Variants in DCT observed in about 807,000 individuals in gnomAD.
DCT encodes the protein dopachrome tautomerase, also known as L-dopachrome tautomerase.
In DCT, 47 loss-of-function variants were observed where a neutral mutation model predicts 53.0. The observed-to-expected ratio is 0.89, with a 90% CI of 0.70 to 1.13. DCT has a LOEUF of 1.13. DCT is among the 50% of genes most tolerant of loss of function. The pLI is 0.00. For missense variants in DCT, 669 were observed against 637.4 expected (o/e 1.05, Z -0.53); for synonymous variants, 244 against 237.0 (o/e 1.03, Z -0.27).
chr13:94,540,108 AT>A, the DCT span, among the ~76,000 whole-genome samples: 1 of 150,160 alleles, frequency 6.7e-6, no homozygotes, highest in Non-Finnish European at 1.5e-5. Flanking sequence ...TCAATTATCA[AT>A]TCTAAAAAAA....
intron 6 of DCT, among the ~76,000 whole-genome samples, chr13:94,446,827 T>C (rs2139287018): frequency 6.6e-6 from 1 of 152,260 alleles, no homozygotes; most frequent in East Asian, 1.9e-4. Context: ...TGCAGTGTTC[T>C]CCCTGTGTGC....
Position 94,452,292 on chromosome 13 carries a change from C to T in DCT, c.1179+7799G>A, listed in dbSNP as rs146504171. On this transcript the variant is annotated intron_variant, in intron 6 of 7. Coordinates refer to ENST00000377028, the MANE Select transcript of DCT (RefSeq NM_001922.5). Reference sequence around the variant, plus strand: ...AGGTAACCCACCCACCTCAGCCTCCCAAAGTGCTGGGATTACAGGCGTGAG... The same window carrying T: ...AGGTAACCCACCCACCTCAGCCTCCTAAAGTGCTGGGATTACAGGCGTGAG... Among the ~76,000 whole-genome samples the T allele has an allele frequency of 4.3e-3, 659 of 152,300 alleles. 7 individuals carry two copies. Among genetic ancestry groups the T allele is most frequent in the Non-Finnish European group, 7.3e-3 (498 of 68,020 alleles).
chr13:94,517,176 C>T, the DCT span, among the ~76,000 whole-genome samples: 1 of 152,172 alleles, frequency 6.6e-6, no homozygotes, highest in Non-Finnish European at 1.5e-5. Context: ...TCTCTTCCAC[C>T]CTTTTTATTC....
chr13:94,526,357 G>C, the DCT span, among the ~76,000 whole-genome samples: 2 of 152,188 alleles, frequency 1.3e-5, no homozygotes, highest in South Asian at 2.1e-4. Context: ...AACTGTATTT[G>C]AGTAACACGG....
the DCT span, among the ~76,000 whole-genome samples, chr13:94,487,897 A>C: frequency 6.6e-6 from 1 of 151,368 alleles, no homozygotes; most frequent in South Asian, 2.1e-4. Flanking sequence ...TGGTGGTATG[A>C]ATTGTTCTTC....
chr13:94,536,255 G>A, the DCT span, among the ~76,000 whole-genome samples: 13 of 152,306 alleles, frequency 8.5e-5, no homozygotes, highest in Non-Finnish European at 1.8e-4. Context: ...TGGACCTGAT[G>A]ATTTAACATT....
chr13:94,512,083 A>T, the DCT span, among the ~76,000 whole-genome samples: 1 of 152,156 alleles, frequency 6.6e-6, no homozygotes, highest in East Asian at 1.9e-4. Context: ...CTTTTAAAGG[A>T]AGTAGCCATT....
the DCT span, among the ~76,000 whole-genome samples, chr13:94,513,089 G>A: frequency 6.6e-6 from 1 of 152,212 alleles, no homozygotes; most frequent in South Asian, 2.1e-4. Context: ...GACACAAAGG[G>A]CTGGTTTCTT....
At chr13:94,513,410 A>G in the DCT span, among the ~76,000 whole-genome samples, 3 of 152,300 alleles carry the variant, frequency 2.0e-5, no homozygotes, top group East Asian at 1.9e-4. Flanking sequence ...CTACAGTTTT[A>G]TCGGTGTCTG....
chr13:94,450,506 T>C (rs929039600), intron 6 of DCT, among the ~76,000 whole-genome samples: 2 of 152,122 alleles, frequency 1.3e-5, no homozygotes, highest in African/African-American at 4.8e-5. Context: ...TAGACTTGTA[T>C]AATAGCCTTG....
At position 94,479,599 on chromosome 13, in the gene DCT, C is replaced by G. The variant is rs986279344; in HGVS notation, c.-344G>C. 1 of 208,314 alleles carries G rather than the reference C, an allele frequency of 4.8e-6. No homozygotes were observed. Among genetic ancestry groups the G allele is most frequent in the African/African-American group, 2.3e-5 (1 of 43,406 alleles). 12.9% of individuals were successfully genotyped at this position (208,314 alleles called of 1,614,324 possible). ...TAATTGAGTTAATTTACAGAGCACC[C>G]AGTCATACTACTTATTATGCTGGTA... On this transcript the variant is annotated 5_prime_UTR_variant, in exon 1 of 8. Coordinates refer to ENST00000377028, the MANE Select transcript of DCT (RefSeq NM_001922.5).
In DCT at chr13:94,468,944, AGGAAT is replaced by A; in HGVS notation, c.392_396del (p.His131LeufsTer51). 6.2e-7 allele frequency: 1 copy of A among 1,614,158 alleles called. No individual in the cohort carries two copies. The highest frequency in any genetic ancestry group is 8.5e-7 in the Non-Finnish European group (1 of 1,180,024). ...AACTGCTCTCTTTCCTGAGGACTCA[AGGAAT>A]GGATGTTCTGCCGAATCACTGGTGG... On this transcript the variant is annotated frameshift_variant, in exon 2 of 8. Coordinates refer to ENST00000377028, the MANE Select transcript of DCT (RefSeq NM_001922.5). LOFTEE classifies it high-confidence loss of function.
chr13:94,485,110 A>C, the DCT span, among the ~76,000 whole-genome samples: 1 of 110,570 alleles, frequency 9.0e-6, no homozygotes, highest in Non-Finnish European at 1.7e-5. Context: ...AAAGCGTCTC[A>C]CTCTGGCACT....
intron 5 of DCT, among the ~76,000 whole-genome samples, chr13:94,461,470 A>C (rs1280340568): frequency 6.6e-6 from 1 of 152,160 alleles, no homozygotes; most frequent in East Asian, 1.9e-4. Flanking sequence ...GGCCTCCCAA[A>C]GCACTAGGAT....
the DCT span, among the ~76,000 whole-genome samples, chr13:94,527,343 C>T: frequency 6.6e-6 from 1 of 152,198 alleles, no homozygotes; most frequent in Non-Finnish European, 1.5e-5. Context: ...GGTCCCTGAC[C>T]CCTGTGTAGC....
intron 6 of DCT, among the ~76,000 whole-genome samples, chr13:94,447,126 A>T (rs2139287719): frequency 6.6e-6 from 1 of 152,322 alleles, no homozygotes; most frequent in Non-Finnish European, 1.5e-5. Context: ...ATGGTAGAGT[A>T]AGAATTTGAA....
chr13:94,477,510 C>A (rs997317490), intron 1 of DCT, among the ~76,000 whole-genome samples: 1 of 152,144 alleles, frequency 6.6e-6, no homozygotes, highest in East Asian at 1.9e-4. Context: ...AGGGAGGGGT[C>A]AAAGGTTGAA....
chr13:94,456,818 C>A (rs1278980083), intron 6 of DCT, among the ~76,000 whole-genome samples: 1 of 152,196 alleles, frequency 6.6e-6, no homozygotes, highest in Non-Finnish European at 1.5e-5. Flanking sequence ...AGTCATGAAG[C>A]CTCCAAAAAG....
the DCT span, among the ~76,000 whole-genome samples, chr13:94,542,396 G>A: frequency 6.6e-6 from 1 of 152,074 alleles, no homozygotes; most frequent in East Asian, 1.9e-4. Flanking sequence ...TCACCATGTT[G>A]GCCAAGCTGG....
Sources: allele counts gnomAD v4.1 joint callset (sites outside exome capture counted in the v4.1 genomes callset), GRCh38; gene constraint gnomAD v4.1.1; transcripts MANE v1.5; gene names NCBI Gene and HGNC (gene_info 2026-07-23, HGNC 2026-07-21).